COP1: variants seen among roughly 807,000 people sequenced by gnomAD.
COP1 encodes the protein COP1 E3 ubiquitin ligase.
Under a neutral mutation model 101.3 loss-of-function variants are expected in COP1, and 24 were observed. The ratio of observed to expected loss-of-function variants is 0.24; its 90% confidence interval spans 0.17 to 0.33. COP1 has a LOEUF of 0.33. Among genes scored for constraint, COP1 ranks in the 10% least tolerant of loss-of-function variants. COP1 has a pLI of 1.00. For synonymous variants in COP1, 347 were observed against 341.9 expected (o/e 1.01, Z -0.17); for missense variants, 663 against 906.2 (o/e 0.73, Z 3.45).
chr1:175,951,686 TAAC>T (rs1649943791), intron 18 of COP1, among the ~76,000 whole-genome samples: 1 of 151,674 alleles, frequency 6.6e-6, no homozygotes, highest in Non-Finnish European at 1.5e-5. Context: ...GAGATGGACA[TAAC>T]AACAGATGAG....
intron 18 of COP1, among the ~76,000 whole-genome samples, chr1:175,977,029 A>T (rs1254306254): frequency 9.2e-6 from 1 of 109,286 alleles, no homozygotes; most frequent in Admixed American, 8.9e-5. Context: ...TTTCACAAAG[A>T]TATGTTTGGT....
chr1:176,063,851 G>A (rs1675423627), intron 11 of COP1, among the ~76,000 whole-genome samples: 1 of 152,146 alleles, frequency 6.6e-6, no homozygotes, highest in Admixed American at 6.5e-5. Context: ...TTAAACCAAT[G>A]ATGGATTGTC....
intron 18 of COP1, among the ~76,000 whole-genome samples, chr1:175,977,192 AAAGT>A (rs1654793885): frequency 6.6e-6 from 1 of 152,216 alleles, no homozygotes; most frequent in African/African-American, 2.4e-5. Context: ...AAGATAAATA[AAAGT>A]ATGACCAACT....
chr1:175,949,168 CAAAAA>C (rs56280543), intron 18 of COP1, among the ~76,000 whole-genome samples: 545 of 43,152 alleles, frequency 0.013, 13 homozygotes, highest in African/African-American at 0.053. Context: ...GGCTCCGTCT[CAAAAA>C]AAAAAAAAAA....
chr1:176,019,917 TTATA>T (rs939375822), intron 15 of COP1, among the ~76,000 whole-genome samples: 11 of 152,282 alleles, frequency 7.2e-5, no homozygotes, highest in Admixed American at 3.9e-4. Context: ...TATGATCTAT[TTATA>T]TATGTTCATG....
At chr1:176,130,480 G>A (rs1170391769) in intron 8 of COP1, among the ~76,000 whole-genome samples, 1 of 151,792 alleles carries the variant, frequency 6.6e-6, no homozygotes, top group Admixed American at 6.6e-5. Flanking sequence ...AAGGTTCTAA[G>A]TATAGCAGTC....
chr1:176,004,224 T>C (rs999282501), intron 15 of COP1, among the ~76,000 whole-genome samples: 5 of 149,524 alleles, frequency 3.3e-5, no homozygotes, highest in African/African-American at 1.2e-4. Flanking sequence ...TTTGCTGAAG[T>C]TGCTTATCAG....
intron 2 of COP1, among the ~76,000 whole-genome samples, chr1:176,181,639 G>A (rs566063888): frequency 3.9e-5 from 6 of 151,924 alleles, no homozygotes; most frequent in Non-Finnish European, 8.8e-5. Context: ...TCACGAGATC[G>A]AGACCATCCT....
intron 15 of COP1, among the ~76,000 whole-genome samples, chr1:175,996,976 T>C (rs1660320718): frequency 6.6e-6 from 1 of 151,342 alleles, no homozygotes; most frequent in Admixed American, 6.6e-5. Context: ...GCTGGAGGCA[T>C]CACACTACCT....
intron 1 of COP1, among the ~76,000 whole-genome samples, chr1:176,201,736 C>T (rs1029929921): frequency 2.0e-5 from 3 of 152,194 alleles, no homozygotes; most frequent in African/African-American, 7.2e-5. Context: ...TGATGCCCCA[C>T]CATCTGATAG....
intron 18 of COP1, among the ~76,000 whole-genome samples, chr1:175,959,609 T>C (rs540791751): frequency 6.6e-6 from 1 of 152,228 alleles, no homozygotes; most frequent in South Asian, 2.1e-4. Flanking sequence ...GCAAGATGGT[T>C]GGATTAAAAA....
intron 18 of COP1, among the ~76,000 whole-genome samples, chr1:175,959,659 A>G (rs190863768): frequency 7.7e-4 from 117 of 152,254 alleles, no homozygotes; most frequent in African/African-American, 2.6e-3. Context: ...GACTACCTAG[A>G]TACCTTTCTC....
At chr1:175,963,045 A>C (rs1651572199) in intron 18 of COP1, among the ~76,000 whole-genome samples, 2 of 152,016 alleles carry the variant, frequency 1.3e-5, no homozygotes, top group African/African-American at 4.8e-5. Flanking sequence ...GTTTTCTGTT[A>C]TTCTTATTCC....
At chr1:175,961,288 A>G (rs979463810) in intron 18 of COP1, among the ~76,000 whole-genome samples, 8 of 152,244 alleles carry the variant, frequency 5.3e-5, no homozygotes, top group African/African-American at 1.4e-4. Context: ...TGACTAAGAC[A>G]TAAAGAAACG....
At chr1:176,081,318 C>G in intron 10 of COP1, 31 bp from the exon 11 acceptor site, 1 of 1,456,290 alleles carries the variant, frequency 6.9e-7, no homozygotes, top group Non-Finnish European at 9.2e-7. Context: ...AAAGACAAAA[C>G]AGATGAATTG....
chr1:176,046,163 A>C lies in COP1; in HGVS notation c.1421+18T>G. On this transcript the variant is annotated intron_variant, in intron 12 of 19. Transcript: ENST00000367669. ...GTTACATCTATACTGCATCATGTCA[A>C]GAAAATAATGTAAATACCTGATTTT... The C allele has an allele frequency of 6.3e-7, 1 of 1,587,692 alleles. No individual in the cohort carries two copies. The highest frequency in any genetic ancestry group is 1.1e-5 in the South Asian group (1 of 87,036).
At chr1:176,009,259 G>A (rs183094881) in intron 15 of COP1, among the ~76,000 whole-genome samples, 3 of 152,188 alleles carry the variant, frequency 2.0e-5, no homozygotes, top group South Asian at 2.1e-4. Context: ...TGTGGGTATC[G>A]ACAGGTATTT....
chr1:176,203,521 G>T (rs1700507626), intron 1 of COP1, among the ~76,000 whole-genome samples: 1 of 152,138 alleles, frequency 6.6e-6, no homozygotes, highest in Non-Finnish European at 1.5e-5. Flanking sequence ...ATAAAAAACA[G>T]AAGTCATCTT....
chr1:176,127,276 T>C (rs1023981390), intron 8 of COP1, among the ~76,000 whole-genome samples: 1 of 152,148 alleles, frequency 6.6e-6, no homozygotes, highest in Non-Finnish European at 1.5e-5. Context: ...AACCACCTTG[T>C]TGCACAACAG....
Sources: gnomAD v4.1 joint callset for allele counts (sites outside exome capture counted in the v4.1 genomes callset) on GRCh38, gnomAD v4.1.1 for gene constraint, MANE v1.5 for transcripts, NCBI Gene and HGNC (gene_info 2026-07-23, HGNC 2026-07-21) for gene names.